The following ATP2B2 variants were observed in gnomAD, a reference collection of about 807,000 sequenced individuals.
The protein encoded by ATP2B2 is plasma membrane calcium-transporting ATPase 2.
Under a neutral mutation model 120.0 loss-of-function variants are expected in ATP2B2, and 15 were observed. That is an observed-to-expected ratio of 0.12 (90% confidence interval 0.08 to 0.19). The LOEUF is 0.19. ATP2B2 is among the 10% of genes least tolerant of loss of function. The pLI, the probability that ATP2B2 is intolerant of heterozygous loss-of-function variation, is 1.00. For synonymous variants in ATP2B2, 694 were observed against 700.3 expected (o/e 0.99, Z 0.14); for missense variants, 1,045 against 1,719.8 (o/e 0.61, Z 6.94).
At chr3:10,410,838 T>G (rs200767465) in intron 2 of ATP2B2, 23 bp from the exon 3 acceptor site, 1 of 1,611,396 alleles carries the variant, frequency 6.2e-7, no homozygotes. Context: ...AACAGAGAGG[T>G]TGGCTGGGGG....
At chr3:10,461,300 A>G (rs943430155) in intron 1 of ATP2B2, among the ~76,000 whole-genome samples, 37 of 152,162 alleles carry the variant, frequency 2.4e-4, no homozygotes, top group African/African-American at 8.9e-4. Context: ...TCCACACTTG[A>G]GCCCTGGTTA....
intron 2 of ATP2B2, among the ~76,000 whole-genome samples, chr3:10,556,008 C>G (rs772609363): frequency 6.6e-6 from 1 of 152,186 alleles, no homozygotes; most frequent in Non-Finnish European, 1.5e-5. Context: ...AAGCAATTCT[C>G]TTGCCTCAGC....
intron 3 of ATP2B2, among the ~76,000 whole-genome samples, chr3:10,512,595 G>A (rs1048128591): frequency 1.2e-4 from 18 of 152,072 alleles, no homozygotes; most frequent in African/African-American, 4.3e-4. Flanking sequence ...CTTAGAGAGT[G>A]GAGCTAACAA....
intron 2 of ATP2B2, among the ~76,000 whole-genome samples, chr3:10,618,075 A>T (rs753678698): frequency 2.6e-5 from 4 of 152,246 alleles, no homozygotes; most frequent in Admixed American, 1.3e-4. Flanking sequence ...CGTGGCAGGG[A>T]AGTGAAACTA....
chr3:10,333,837 C>T (rs73032212), intron 22 of ATP2B2, among the ~76,000 whole-genome samples: 3,453 of 152,308 alleles, frequency 0.023, 69 homozygotes, highest in Non-Finnish European at 0.035. Flanking sequence ...GTCAAGTTGG[C>T]TTTGGCTGAG....
At chr3:10,691,626 A>G (rs2071665244) in intron 1 of ATP2B2, among the ~76,000 whole-genome samples, 1 of 152,174 alleles carries the variant, frequency 6.6e-6, no homozygotes, top group African/African-American at 2.4e-5. Context: ...CCAGGAGGAG[A>G]AATGCTCTGG....
intron 14 of ATP2B2, among the ~76,000 whole-genome samples, chr3:10,353,366 T>G (rs1250206438): frequency 6.6e-6 from 1 of 152,192 alleles, no homozygotes; most frequent in East Asian, 1.9e-4. Context: ...AGCTGCCAAC[T>G]GAGGCTCTGG....
At chr3:10,588,153 T>G (rs546771554) in intron 2 of ATP2B2, among the ~76,000 whole-genome samples, 2 of 152,364 alleles carry the variant, frequency 1.3e-5, no homozygotes, top group Admixed American at 1.3e-4. Flanking sequence ...ACTGGGATCT[T>G]ACTGTGCAGT....
At chr3:10,366,846 C>T (rs896890867) in intron 12 of ATP2B2, among the ~76,000 whole-genome samples, 17 of 152,194 alleles carry the variant, frequency 1.1e-4, no homozygotes, top group African/African-American at 3.9e-4. Context: ...GAGGGTGTGC[C>T]AGGGTTTCTG....
intron 1 of ATP2B2, among the ~76,000 whole-genome samples, chr3:10,494,159 T>TG (rs143668937): frequency 0.044 from 6,699 of 151,906 alleles, 483 homozygotes; most frequent in African/African-American, 0.15. Flanking sequence ...CTGGTGGCCA[T>TG]GGGGGGTCTA....
In ATP2B2 at chr3:10,413,347, G is replaced by A. The variant is rs957552835; in HGVS notation, c.200-2532C>T. Among the ~76,000 whole-genome samples, 5 of 152,234 alleles carry A rather than the reference G, an allele frequency of 3.3e-5. No individual in the cohort carries two copies. The East Asian group carries it at 9.6e-4, about 29-fold the overall frequency. On this transcript the variant is annotated intron_variant, in intron 2 of 22. Transcript: ENST00000360273. ...CAGGCTGGCTGAGACACTCCCACTG[G>A]GGGAGCCCAGGGATGGCTCCCTCCC...
chr3:10,362,781 C>G (rs1289968895), intron 12 of ATP2B2, among the ~76,000 whole-genome samples: 1 of 152,202 alleles, frequency 6.6e-6, no homozygotes, highest in Non-Finnish European at 1.5e-5. Flanking sequence ...CTTCCCATGT[C>G]TGAAGTTTGG....
chr3:10,661,168 T>C (rs1472299157), intron 1 of ATP2B2, among the ~76,000 whole-genome samples: 2 of 152,110 alleles, frequency 1.3e-5, no homozygotes, highest in Non-Finnish European at 2.9e-5. Flanking sequence ...ACTGGAAGCA[T>C]TCCCTCTGAA....
chr3:10,545,559 AAAAAC>A (rs1432602201), intron 2 of ATP2B2, among the ~76,000 whole-genome samples: 4 of 152,062 alleles, frequency 2.6e-5, no homozygotes, highest in Admixed American at 1.3e-4. Flanking sequence ...AATAAAAAAT[AAAAAC>A]AAAACAAAAT....
intron 3 of ATP2B2, among the ~76,000 whole-genome samples, chr3:10,530,568 A>G (rs2067191139): frequency 6.6e-6 from 1 of 152,214 alleles, no homozygotes. Flanking sequence ...AGACTGGGGC[A>G]GTCTGGCCAC....
chr3:10,524,271 C>A (rs532995272), intron 3 of ATP2B2, among the ~76,000 whole-genome samples: 1 of 152,350 alleles, frequency 6.6e-6, no homozygotes, highest in Admixed American at 6.5e-5. Context: ...TTATTTAAAA[C>A]GCACTCATGA....
chr3:10,511,584 C>G (rs2066762093), intron 3 of ATP2B2, among the ~76,000 whole-genome samples: 1 of 152,164 alleles, frequency 6.6e-6, no homozygotes, highest in African/African-American at 2.4e-5. Flanking sequence ...ATGAATGGGG[C>G]TCCCTCCCCA....
chr3:10,420,965 G>A (rs969703650), intron 2 of ATP2B2, among the ~76,000 whole-genome samples: 8 of 152,220 alleles, frequency 5.3e-5, no homozygotes, highest in Non-Finnish European at 1.0e-4. Context: ...ATTGCAATGT[G>A]CAGCAGGGGA....
At chr3:10,510,678 G>A (rs2066743785) in intron 3 of ATP2B2, among the ~76,000 whole-genome samples, 1 of 152,260 alleles carries the variant, frequency 6.6e-6, no homozygotes, top group Non-Finnish European at 1.5e-5. Flanking sequence ...CAGTGTTACT[G>A]TGGAAACAAT....
Sources: gnomAD v4.1 joint callset for allele counts (sites outside exome capture counted in the v4.1 genomes callset) on GRCh38, gnomAD v4.1.1 for gene constraint, MANE v1.5 for transcripts, NCBI Gene and HGNC (gene_info 2026-07-23, HGNC 2026-07-21) for gene names.